Variants in WNK3 observed in about 807,000 individuals in gnomAD.
The protein encoded by WNK3 is WNK lysine deficient protein kinase 3.
WNK3 carries 18 observed loss-of-function variants against 116.7 expected under a neutral mutation model. The observed-to-expected ratio is 0.15, with a 90% CI of 0.11 to 0.23. The LOEUF (loss-of-function observed/expected upper bound fraction) is 0.23, where lower values mean the gene tolerates loss of function less well. Among genes scored for constraint, WNK3 ranks in the 10% least tolerant of loss-of-function variants. The pLI is 1.00. For missense variants in WNK3, 993 were observed against 1,323.8 expected (o/e 0.75, Z 3.88); for synonymous variants, 404 against 469.4 (o/e 0.86, Z 1.80).
intron 17 of WNK3, among the ~76,000 whole-genome samples, chrX:54,245,952 G>A (rs1557152615): frequency 1.8e-5 from 2 of 112,002 alleles, no homozygotes; most frequent in African/African-American, 6.5e-5. Flanking sequence ...ACTGCGCCCA[G>A]CCATCAATTT....
At chrX:54,305,400 T>C (rs1021217848) in intron 5 of WNK3, among the ~76,000 whole-genome samples, 24 of 111,375 alleles carry the variant, frequency 2.2e-4, no homozygotes, top group African/African-American at 7.5e-4. Flanking sequence ...ACCACAAAAA[T>C]CAGCAAATAC....
chrX:54,193,760 CA>C (rs2067420159), exon 24 of WNK3: 1 of 111,273 alleles, frequency 9.0e-6, no homozygotes, highest in African/African-American at 3.3e-5. Flanking sequence ...AGGATTTTAT[CA>C]AGTTTGAGTG....
chrX:54,249,231 T>C, exon 17 of WNK3: 5 of 1,211,979 alleles, frequency 4.1e-6, no homozygotes, highest in Admixed American at 2.2e-5. Context: ...TTTGAGGCTT[T>C]TGATCAAATG....
At position 54,198,913 on chromosome X, in the gene WNK3, C is replaced by T. The variant is rs189370222; in HGVS notation, c.5074-260G>A. 4.5e-5 allele frequency among the ~76,000 whole-genome samples: 5 copies of T among 110,554 alleles called. No individual in the cohort carries two copies. In the East Asian group the frequency reaches 1.4e-3, roughly 31 times the overall value. Reference sequence around the variant, plus strand: ...CTGCCTTACATTTTTATAGTTATTTCCATGCATACATACATAGAAAGATAT... The same window carrying T: ...CTGCCTTACATTTTTATAGTTATTTTCATGCATACATACATAGAAAGATAT... On this transcript the variant is annotated intron_variant, in intron 23 of 23. Transcript: ENST00000354646.
chrX:54,316,604 C>T (rs1335989936), intron 2 of WNK3, among the ~76,000 whole-genome samples: 1 of 107,989 alleles, frequency 9.3e-6, no homozygotes, highest in East Asian at 2.9e-4. Context: ...CCTCACCAAG[C>T]CATGAAGAGA....
At chrX:54,277,344 CTTTTTTTT>C (rs1242871853) in intron 10 of WNK3, among the ~76,000 whole-genome samples, 2 of 102,739 alleles carry the variant, frequency 1.9e-5, no homozygotes, top group Admixed American at 1.1e-4. Flanking sequence ...TTCTTTTTTT[CTTTTTTTT>C]TTTTGAGACG....
chrX:54,314,201 A>C (rs1214267256), intron 2 of WNK3, among the ~76,000 whole-genome samples: 1 of 107,735 alleles, frequency 9.3e-6, no homozygotes, highest in Non-Finnish European at 1.9e-5. Context: ...TCAAAAAAAA[A>C]AACAAAAAAA....
In WNK3 at chrX:54,301,934, T is replaced by C; in HGVS notation, c.1090-75A>G. On this transcript the variant is annotated intron_variant, in intron 5 of 23. Transcript: ENST00000354646. ...AGTCAACATGACATTTATTAAACAT[T>C]ATTTTTATCACTAAACCATAGTCAA... is the stretch of plus-strand genomic sequence containing the variant. The C allele has an allele frequency of 4.2e-6, 3 of 718,146 alleles. No individual in the cohort carries two copies. In the South Asian group the frequency reaches 7.1e-5, roughly 17 times the overall value. 59.2% of individuals were successfully genotyped at this position (718,146 alleles called of 1,213,427 possible).
At chrX:54,340,281 T>C (rs2069303101) in intron 1 of WNK3, among the ~76,000 whole-genome samples, 1 of 111,526 alleles carries the variant, frequency 9.0e-6, no homozygotes, top group Non-Finnish European at 1.9e-5. Context: ...TGCCAAATCA[T>C]ATATGTGATA....
At chrX:54,198,717 A>G (rs888905530) in intron 23 of WNK3, 64 bp from the exon 24 acceptor site, 12 of 815,102 alleles carry the variant, frequency 1.5e-5, no homozygotes, top group Non-Finnish European at 2.0e-5. Flanking sequence ...ATCAGTCTAT[A>G]TTCCTTCCTA....
At chrX:54,193,837 C>G (rs1461460910) in exon 24 of WNK3, 1 of 111,161 alleles carries the variant, frequency 9.0e-6, no homozygotes, top group East Asian at 2.8e-4. Flanking sequence ...AAATCAAAGG[C>G]CTTTTCTACA....
chrX:54,315,302 C>CAA (rs1162816570), intron 2 of WNK3, among the ~76,000 whole-genome samples: 11 of 36,180 alleles, frequency 3.0e-4, no homozygotes, highest in Admixed American at 7.5e-4. Context: ...GACCTTGTCT[C>CAA]AAAAAAAAAA....
rs373458497 is a variant in WNK3 at position 54,248,699 on chromosome X, G to A, written c.3649C>T (p.His1217Tyr). ...TGGTTAGAAAGAATGATACTTACAT[G>A]TAAACACAATTCGCTGGGTACAGAA... The change falls in exon 17 of 24, where the codon CAT (histidine) becomes TAT (tyrosine). Residue 1217 changes from histidine to tyrosine, a missense_variant and splice_region_variant. Physicochemically the swap from His to Tyr is moderately conservative, Grantham distance 83. Transcript: ENST00000354646. 105 of 1,196,997 alleles carry A rather than the reference G, an allele frequency of 8.8e-5. No homozygotes were observed. Among genetic ancestry groups the A allele is most frequent in the Non-Finnish European group, 1.2e-4 (102 of 886,739 alleles).
chrX:54,327,024 C>A (rs2069113876), intron 2 of WNK3, among the ~76,000 whole-genome samples: 1 of 111,230 alleles, frequency 9.0e-6, no homozygotes, highest in South Asian at 3.8e-4. Context: ...CCATTGCATT[C>A]CAGCCTGGGC....
chrX:54,345,075 C>T (rs1352426075), intron 1 of WNK3, among the ~76,000 whole-genome samples: 2 of 109,362 alleles, frequency 1.8e-5, no homozygotes, highest in Non-Finnish European at 3.8e-5. Flanking sequence ...CGGTGAAACC[C>T]CGTCTCTACT....
At chrX:54,308,179 C>A in intron 4 of WNK3, 100 bp from the exon 5 acceptor site, 1 of 778,372 alleles carries the variant, frequency 1.3e-6, no homozygotes, top group Non-Finnish European at 1.8e-6. Context: ...TTAATTTCTA[C>A]TCCCCCAAAG....
chrX:54,300,642 C>A (rs1386344976), intron 6 of WNK3, among the ~76,000 whole-genome samples: 1 of 111,590 alleles, frequency 9.0e-6, no homozygotes, highest in Non-Finnish European at 1.9e-5. Context: ...GGTAATAGAA[C>A]ATATTTAAAG....
chrX:54,204,567 C>T (rs2067533318), intron 22 of WNK3, among the ~76,000 whole-genome samples: 1 of 112,094 alleles, frequency 8.9e-6, no homozygotes, highest in African/African-American at 3.2e-5. Context: ...TGTTGGAATC[C>T]CAATTTTTCT....
At chrX:54,307,544 C>T (rs1557168912) in intron 5 of WNK3, among the ~76,000 whole-genome samples, 1 of 111,808 alleles carries the variant, frequency 8.9e-6, no homozygotes, top group Non-Finnish European at 1.9e-5. Flanking sequence ...GACCCAAATA[C>T]TGTATCTATT....
Sources: gnomAD v4.1 joint callset for allele counts (sites outside exome capture counted in the v4.1 genomes callset) on GRCh38, gnomAD v4.1.1 for gene constraint, MANE v1.5 for transcripts, NCBI Gene and HGNC (gene_info 2026-07-23, HGNC 2026-07-21) for gene names.